PRKCB: variants seen among roughly 807,000 people sequenced by gnomAD.
PRKCB encodes the protein protein kinase C beta type.
A neutral mutation model predicts 81.5 loss-of-function variants in PRKCB; 13 were observed. The observed-to-expected ratio is 0.16, with a 90% CI of 0.10 to 0.25. The LOEUF is 0.25. Ranked by LOEUF, PRKCB falls within the 10% of genes least tolerant of loss-of-function variation. The pLI, the probability that PRKCB is intolerant of heterozygous loss-of-function variation, is 1.00. For missense variants in PRKCB, 509 were observed against 875.7 expected, an observed-to-expected ratio of 0.58 and a Z score of 5.29; for synonymous variants, 335 against 321.4, an observed-to-expected ratio of 1.04 and a Z score of -0.45.
chr16:23,859,444 G>C (rs1962625487), intron 2 of PRKCB, among the ~76,000 whole-genome samples: 1 of 152,188 alleles, frequency 6.6e-6, no homozygotes, highest in African/African-American at 2.4e-5. Context: ...TGATGGGCAG[G>C]GGGAAGCTGC....
intron 2 of PRKCB, among the ~76,000 whole-genome samples, chr16:23,987,539 A>G (rs1453413134): frequency 6.6e-6 from 1 of 152,144 alleles, no homozygotes; most frequent in Non-Finnish European, 1.5e-5. Flanking sequence ...AGTGTACTTC[A>G]TAGGTAGTGA....
In PRKCB at chr16:23,878,201, C is replaced by T. The variant is rs1463406034; in HGVS notation, c.205+40795C>T. Among the ~76,000 whole-genome samples the T allele has an allele frequency of 3.3e-5, 5 of 152,302 alleles. No homozygotes were observed. In the East Asian group the frequency reaches 9.7e-4, roughly 29 times the overall value. ...ACTGCAAACACTGAATTAATAAACA[C>T]TGAACCATTGTTCCTAGGTGAAATA... On this transcript the variant is annotated intron_variant, in intron 2 of 16. Coordinates refer to ENST00000643927, the MANE Select transcript of PRKCB (RefSeq NM_002738.7).
At chr16:24,074,771 A>G (rs1297189561) in intron 5 of PRKCB, among the ~76,000 whole-genome samples, 2 of 152,152 alleles carry the variant, frequency 1.3e-5, no homozygotes, top group East Asian at 3.8e-4. Flanking sequence ...GGCTGATGCA[A>G]CGGTCTAAGC....
intron 3 of PRKCB, among the ~76,000 whole-genome samples, chr16:23,996,349 G>A (rs1031775697): frequency 6.6e-6 from 1 of 152,174 alleles, no homozygotes; most frequent in Non-Finnish European, 1.5e-5. Context: ...GTGGTGGCAG[G>A]GATGGAGGTT....
chr16:24,116,452 A>G (rs900066255), intron 8 of PRKCB, among the ~76,000 whole-genome samples: 4 of 152,082 alleles, frequency 2.6e-5, no homozygotes, highest in Admixed American at 1.3e-4. Context: ...GTATTCCCAA[A>G]TTCCTTGTCT....
intron 2 of PRKCB, among the ~76,000 whole-genome samples, chr16:23,979,563 G>A (rs1022344130): frequency 6.6e-6 from 1 of 152,064 alleles, no homozygotes; most frequent in Non-Finnish European, 1.5e-5. Context: ...TGGGAGTCGG[G>A]GGGAATGTAC....
intron 2 of PRKCB, among the ~76,000 whole-genome samples, chr16:23,913,203 C>T (rs1157097678): frequency 1.3e-5 from 2 of 151,932 alleles, no homozygotes; most frequent in African/African-American, 2.4e-5. Flanking sequence ...GCAGGTGTAC[C>T]GAGAGGCAAG....
intron 2 of PRKCB, among the ~76,000 whole-genome samples, chr16:23,933,926 T>TCC (rs1299660230): frequency 2.8e-4 from 33 of 118,292 alleles, no homozygotes; most frequent in Admixed American, 5.4e-4. Context: ...CATCCTTCCA[T>TCC]TCATCCATCC....
Position 23,836,226 on chromosome 16 carries a change from C to G in PRKCB, c.51C>G (p.Thr17=). The G allele has an allele frequency of 6.3e-7, 1 of 1,599,630 alleles. No individual in the cohort carries two copies. Among genetic ancestry groups the G allele is most frequent in the Non-Finnish European group, 8.5e-7 (1 of 1,173,560 alleles). The change falls in exon 1 of 17, where the codon ACC becomes ACG. Residue 17 remains threonine (T), a synonymous_variant. Coordinates refer to ENST00000643927, the MANE Select transcript of PRKCB (RefSeq NM_002738.7). ...GPPPSEGEES[T]VRFARKGALR... ...CGCCGAGCGAGGGCGAGGAGAGCAC[C>G]GTGCGCTTCGCCCGCAAAGGCGCCC...
intron 2 of PRKCB, among the ~76,000 whole-genome samples, chr16:23,864,659 G>T (rs909743885): frequency 2.0e-5 from 3 of 152,198 alleles, no homozygotes; most frequent in African/African-American, 7.2e-5. Context: ...GGTGGAGTTT[G>T]CTTCTGTATC....
intron 3 of PRKCB, among the ~76,000 whole-genome samples, chr16:24,026,931 G>A (rs1026283565): frequency 5.3e-5 from 8 of 152,186 alleles, no homozygotes; most frequent in African/African-American, 1.7e-4. Flanking sequence ...CCTCCTTAGA[G>A]GTTAAGTAGG....
At chr16:23,887,720 G>A (rs923460235) in intron 2 of PRKCB, among the ~76,000 whole-genome samples, 1 of 152,234 alleles carries the variant, frequency 6.6e-6, no homozygotes. Flanking sequence ...CCCAGTAATG[G>A]GAATGCTGGA....
chr16:24,189,426 CAGG>C (rs1351363972), intron 15 of PRKCB, among the ~76,000 whole-genome samples: 1 of 152,052 alleles, frequency 6.6e-6, no homozygotes, highest in Non-Finnish European at 1.5e-5. Context: ...ATCATGAGGT[CAGG>C]AGATCGAGAC....
intron 2 of PRKCB, among the ~76,000 whole-genome samples, chr16:23,910,481 A>G (rs992626785): frequency 6.6e-6 from 1 of 151,002 alleles, no homozygotes; most frequent in African/African-American, 2.4e-5. Context: ...TTTCTCCCAG[A>G]CCCCCATCCT....
At chr16:24,101,166 A>G (rs1567374452) in intron 7 of PRKCB, among the ~76,000 whole-genome samples, 1 of 152,146 alleles carries the variant, frequency 6.6e-6, no homozygotes, top group Non-Finnish European at 1.5e-5. Context: ...CTTTGTGGCT[A>G]ATATGTTAGT....
intron 7 of PRKCB, among the ~76,000 whole-genome samples, chr16:24,095,440 C>T (rs1024452905): frequency 1.3e-5 from 2 of 152,064 alleles, no homozygotes; most frequent in Non-Finnish European, 2.9e-5. Flanking sequence ...GACTAGTTGG[C>T]AGGTCCAGGT....
At chr16:24,178,152 T>C (rs1967563571) in intron 12 of PRKCB, among the ~76,000 whole-genome samples, 2 of 152,174 alleles carry the variant, frequency 1.3e-5, no homozygotes, top group Non-Finnish European at 2.9e-5. Flanking sequence ...AGACTTACCA[T>C]CTTTAAGGAA....
intron 2 of PRKCB, among the ~76,000 whole-genome samples, chr16:23,956,774 G>A (rs938922563): frequency 3.9e-5 from 6 of 152,076 alleles, no homozygotes; most frequent in African/African-American, 1.4e-4. Flanking sequence ...TGTGGCATAA[G>A]AGACAAGAGT....
intron 2 of PRKCB, among the ~76,000 whole-genome samples, chr16:23,880,307 G>T (rs1276026323): frequency 6.6e-6 from 1 of 152,250 alleles, no homozygotes; most frequent in South Asian, 2.1e-4. Context: ...TGAGCTTTGA[G>T]AATCCCCCCA....
Sources: allele counts gnomAD v4.1 joint callset (sites outside exome capture counted in the v4.1 genomes callset), GRCh38; gene constraint gnomAD v4.1.1; transcripts MANE v1.5; gene names NCBI Gene and HGNC (gene_info 2026-07-23, HGNC 2026-07-21).